The following SLCO3A1 variants were observed in gnomAD, a reference collection of about 807,000 sequenced individuals.
SLCO3A1 encodes the protein PGE1 transporter.
Under a neutral mutation model 63.1 loss-of-function variants are expected in SLCO3A1, and 27 were observed. That is an observed-to-expected ratio of 0.43 (90% CI 0.32 to 0.59). SLCO3A1 has a LOEUF of 0.59. Ranked by LOEUF, SLCO3A1 falls within the 20% of genes least tolerant of loss-of-function variation. The pLI is 0.09. For missense variants in SLCO3A1, 773 were observed against 945.8 expected (o/e 0.82, Z 2.40); for synonymous variants, 473 against 409.9 (o/e 1.15, Z -1.86).
chr15:92,107,515 G>A (rs2047680235), intron 4 of SLCO3A1, among the ~76,000 whole-genome samples: 1 of 152,224 alleles, frequency 6.6e-6, no homozygotes, highest in Non-Finnish European at 1.5e-5. Flanking sequence ...TGCAAATGCA[G>A]TGCTATATAC....
intron 2 of SLCO3A1, among the ~76,000 whole-genome samples, chr15:92,057,462 A>G (rs2047035470): frequency 6.6e-6 from 1 of 152,206 alleles, no homozygotes; most frequent in Admixed American, 6.5e-5. Context: ...AAAACAAAAT[A>G]CAGTGGATTT....
rs1899646894 is a variant in SLCO3A1, at chr15:91,942,253, A to T, written c.646+25795A>T. 6.6e-6 allele frequency among the ~76,000 whole-genome samples: 1 copy of T among 152,196 alleles called. No homozygotes were observed. Among genetic ancestry groups the T allele is most frequent in the South Asian group, 2.1e-4 (1 of 4,824 alleles). On this transcript the variant is annotated intron_variant, in intron 2 of 9. Transcript: ENST00000318445. The surrounding 1 kb of genome is among the most constrained non-coding windows in gnomAD (Gnocchi z 4.1). The stretch of plus-strand genomic sequence containing the variant: ...TTCTGTGAAATCCAAAAATGTAGCA[A>T]CTGCTGAACCCCACAATGTCTGATC...
chr15:91,939,562 C>T (rs1276093650), intron 2 of SLCO3A1, among the ~76,000 whole-genome samples: 4 of 152,168 alleles, frequency 2.6e-5, no homozygotes, highest in African/African-American at 4.8e-5. Context: ...GATGCTCAGC[C>T]ACAGATGGAT....
intron 2 of SLCO3A1, among the ~76,000 whole-genome samples, chr15:91,987,251 C>T (rs959375295): frequency 6.6e-6 from 1 of 152,070 alleles, no homozygotes; most frequent in Non-Finnish European, 1.5e-5. Flanking sequence ...ATACATCTGC[C>T]TTTTTTTCCC....
Position 91,854,079 on chromosome 15 carries a change from C to T in SLCO3A1, c.171C>T (p.Gly57=), listed in dbSNP as rs1212537937. The T allele has an allele frequency of 1.3e-5, 20 of 1,516,080 alleles. No homozygotes were observed. Among genetic ancestry groups the T allele is most frequent in the Non-Finnish European group, 1.8e-5 (20 of 1,127,530 alleles). The allele number at this position is 1,516,080 out of a possible 1,614,324, so 93.9% of individuals were successfully genotyped here. A position where few individuals can be genotyped will look rare whatever the true frequency, so the allele number is the denominator to read the frequency against. ...CALMLAQGTV[G]AYLVSVLTTL... is the part of the protein sequence containing the mutation. The stretch of plus-strand genomic sequence containing the variant: ...TGATGCTGGCGCAGGGCACGGTGGG[C>T]GCCTACCTGGTGAGTCCCCGAGCCA... The change falls in exon 1 of 10, where the codon GGC becomes GGT. Residue 57 remains glycine, a synonymous_variant. Transcript: ENST00000318445. This position sits in a 1 kb window ranked among gnomAD's most constrained non-coding sequence, Gnocchi z 6.4.
chr15:91,906,862 T>G (rs1013534729), intron 1 of SLCO3A1, among the ~76,000 whole-genome samples: 1 of 151,982 alleles, frequency 6.6e-6, no homozygotes, highest in Admixed American at 6.5e-5. Context: ...TTTTCTATGA[T>G]GGACCAAAGA....
At position 92,104,466 on chromosome 15, in the gene SLCO3A1, AC is replaced by A; in HGVS notation, c.936del (p.Lys313SerfsTer7). ...AMLSEREYER[P>X]KPSNGVLRHP... The stretch of plus-strand genomic sequence containing the variant: ...TGCTCTCCGAAAGAGAATACGAGAG[AC>A]CCAAGCCCAGCAACGGGGTCCTGAG... On this transcript the variant is annotated frameshift_variant, in exon 4 of 10. Coordinates refer to ENST00000318445, the MANE Select transcript of SLCO3A1 (RefSeq NM_013272.4). LOFTEE classifies it high-confidence loss of function. 6.2e-7 allele frequency: 1 copy of A among 1,614,130 alleles called. No homozygotes were observed. Among genetic ancestry groups the A allele is most frequent in the Non-Finnish European group, 8.5e-7 (1 of 1,180,024 alleles).
rs1015540465 is a variant in SLCO3A1, at chr15:91,969,106, C to T, written c.646+52648C>T. ...CCGCTACACACTTTGAGAGGTAAAG[C>T]TCATCTTTTCGTTGTATACAGCACA... On this transcript the variant is annotated intron_variant, in intron 2 of 9. Transcript: ENST00000318445. Among the ~76,000 whole-genome samples, 5 of 152,148 alleles carry T rather than the reference C, an allele frequency of 3.3e-5. No individual in the cohort carries two copies. In the South Asian group the frequency reaches 1.0e-3, roughly 31 times the overall value.
chr15:91,945,141 G>A (rs1372216840), intron 2 of SLCO3A1, among the ~76,000 whole-genome samples: 4 of 152,046 alleles, frequency 2.6e-5, no homozygotes, highest in Admixed American at 6.6e-5. Flanking sequence ...TCAGGAGTTC[G>A]AGACACCCTG....
chr15:92,027,256 T>C (rs1258041878), intron 2 of SLCO3A1, among the ~76,000 whole-genome samples: 1 of 152,246 alleles, frequency 6.6e-6, no homozygotes, highest in East Asian at 1.9e-4. Context: ...CGTGATTTCC[T>C]GGAGATGTAG....
intron 2 of SLCO3A1, among the ~76,000 whole-genome samples, chr15:91,989,783 T>C (rs76184429): frequency 0.017 from 2,611 of 152,326 alleles, 86 homozygotes; most frequent in African/African-American, 0.06. Context: ...TAGTTATCCA[T>C]AAGCATCTGT....
In SLCO3A1 at chr15:91,978,729, CTT is replaced by C. The variant is rs1310385451; in HGVS notation, c.646+62272_646+62273del. Among the ~76,000 whole-genome samples, 5 of 152,186 alleles carry C rather than the reference CTT, an allele frequency of 3.3e-5. 1 individual carries two copies. Among genetic ancestry groups the C allele is most frequent in the Admixed American group, 3.3e-4 (5 of 15,280 alleles). ...TACTAAGTAGATAGATTAAACTAAA[CTT>C]ATAAATTATTAATGGATTCATATAT... On this transcript the variant is annotated intron_variant, in intron 2 of 9. Coordinates refer to ENST00000318445, the MANE Select transcript of SLCO3A1 (RefSeq NM_013272.4).
intron 1 of SLCO3A1, among the ~76,000 whole-genome samples, chr15:91,907,902 C>A (rs1249895354): frequency 6.6e-6 from 1 of 152,084 alleles, no homozygotes. Context: ...GATAGTGCCC[C>A]TATGAAAGAC....
chr15:92,030,704 C>T (rs1230259343), intron 2 of SLCO3A1, among the ~76,000 whole-genome samples: 1 of 152,130 alleles, frequency 6.6e-6, no homozygotes, highest in African/African-American at 2.4e-5. Context: ...CTCTAGGTCC[C>T]ACCCCACCAT....
intron 2 of SLCO3A1, among the ~76,000 whole-genome samples, chr15:92,087,511 C>CTT (rs1393268848): frequency 1.2e-4 from 18 of 144,380 alleles, no homozygotes; most frequent in African/African-American, 4.5e-4. Context: ...CTTTTATTAT[C>CTT]TATTATTTTT....
rs1214445161 is a variant in SLCO3A1 at position 91,859,958 on chromosome 15, T to C, written c.180+5870T>C. 1.3e-5 allele frequency among the ~76,000 whole-genome samples: 2 copies of C among 152,326 alleles called. No individual in the cohort carries two copies. On this transcript the variant is annotated intron_variant, in intron 1 of 9. Transcript: ENST00000318445. This position sits in a 1 kb window ranked among gnomAD's most constrained non-coding sequence, Gnocchi z 5.1. ...ACATTTTTGTCTGGGAGGTAAAAAG[T>C]TTTTAAGGGCAAGTAATAAGCTAAA...
At chr15:91,977,122 T>G (rs1901145919) in intron 2 of SLCO3A1, among the ~76,000 whole-genome samples, 1 of 152,136 alleles carries the variant, frequency 6.6e-6, no homozygotes, top group Non-Finnish European at 1.5e-5. Flanking sequence ...AGTGGTAAAT[T>G]TTTGCTACAT....
chr15:91,995,416 C>G (rs530071538), intron 2 of SLCO3A1, among the ~76,000 whole-genome samples: 1 of 152,138 alleles, frequency 6.6e-6, no homozygotes, highest in Non-Finnish European at 1.5e-5. Context: ...TTCCCTTTCC[C>G]TTGATAATGA....
At chr15:91,944,528 G>A (rs4306482) in intron 2 of SLCO3A1, among the ~76,000 whole-genome samples, 53,855 of 151,770 alleles carry the variant, frequency 0.35, 10,461 homozygotes, top group East Asian at 0.81. Flanking sequence ...CAAGTGATCC[G>A]TCACAAGTCC....
Sources: allele counts gnomAD v4.1 joint callset (sites outside exome capture counted in the v4.1 genomes callset), GRCh38; gene constraint gnomAD v4.1.1; non-coding constraint Gnocchi (gnomAD v3.1); transcripts MANE v1.5; gene names NCBI Gene and HGNC (gene_info 2026-07-23, HGNC 2026-07-21).